Variants in MTMR14 observed in about 807,000 individuals in gnomAD.
The protein encoded by MTMR14 is myotubularin related protein 14, also known as phosphatidylinositol-3,5-bisphosphate 3-phosphatase MTMR14.
In MTMR14, 48 loss-of-function variants were observed where a neutral mutation model predicts 86.3. The ratio of observed to expected loss-of-function variants is 0.56; its 90% confidence interval spans 0.44 to 0.71. MTMR14 has a LOEUF of 0.71. Ranked by LOEUF, MTMR14 falls within the 30% of genes least tolerant of loss-of-function variation. MTMR14 has a pLI of 0.00. For synonymous variants in MTMR14, 366 were observed against 326.1 expected (o/e 1.12, Z -1.32); for missense variants, 780 against 834.6 (o/e 0.93, Z 0.81).
At chr3:9,683,800 G>T (rs2075849102) in intron 10 of MTMR14, 1 of 157,124 alleles carries the variant, frequency 6.4e-6, no homozygotes, top group Admixed American at 6.0e-5. Context: ...GAAGGCCCAA[G>T]AACAGAGCCA....
At chr3:9,690,969 C>T (rs2076121526) in intron 17 of MTMR14, among the ~76,000 whole-genome samples, 1 of 152,190 alleles carries the variant, frequency 6.6e-6, no homozygotes, top group African/African-American at 2.4e-5. Context: ...GATTTTCAGA[C>T]TCAGTTTAGT....
chr3:9,665,554 A>G (rs916392133), intron 3 of MTMR14, among the ~76,000 whole-genome samples: 6 of 152,138 alleles, frequency 3.9e-5, no homozygotes, highest in Admixed American at 6.5e-5. Context: ...TGATGAGTTA[A>G]ATAGAAGTCT....
Position 9,677,480 on chromosome 3 carries a change from G to T in MTMR14, c.822+93G>T. On this transcript the variant is annotated intron_variant, in intron 8 of 18. Coordinates refer to ENST00000296003, the MANE Select transcript of MTMR14 (RefSeq NM_001077525.3). This position sits in a 1 kb window ranked among gnomAD's most constrained non-coding sequence, Gnocchi z 4.2. Reference sequence around the variant, plus strand: ...AAGCAGTCTTTGGGGAAAACAACAAGCAGTCTTTGGGGAAAATAACTCCCC... The same window carrying T: ...AAGCAGTCTTTGGGGAAAACAACAATCAGTCTTTGGGGAAAATAACTCCCC... The T allele has an allele frequency of 3.5e-6, 4 of 1,141,662 alleles. No homozygotes were observed. Among genetic ancestry groups the T allele is most frequent in the Non-Finnish European group, 1.3e-6 (1 of 753,948 alleles). The allele number at this position is 1,141,662 out of a possible 1,614,324, so 70.7% of individuals were successfully genotyped here.
At chr3:9,649,766 TG>T in intron 1 of MTMR14, 24 bp downstream of exon 1, 1 of 1,612,254 alleles carries the variant, frequency 6.2e-7, no homozygotes, top group Non-Finnish European at 8.5e-7. Flanking sequence ...TGCGATGAGC[TG>T]GGGAAGGCTC....
At chr3:9,693,471 C>T (rs2076195616) in intron 17 of MTMR14, among the ~76,000 whole-genome samples, 1 of 152,200 alleles carries the variant, frequency 6.6e-6, no homozygotes, top group Non-Finnish European at 1.5e-5. Flanking sequence ...TGACTAGAAG[C>T]CTTACCAATA....
At chr3:9,675,424 A>G (rs2048803739) in intron 7 of MTMR14, 12 of 319,422 alleles carry the variant, frequency 3.8e-5, no homozygotes, top group South Asian at 3.2e-4. Flanking sequence ...AAGGAATCTC[A>G]GTTGAGCCCT....
At chr3:9,668,168 A>G (rs1215357167) in intron 3 of MTMR14, among the ~76,000 whole-genome samples, 1 of 152,260 alleles carries the variant, frequency 6.6e-6, no homozygotes, top group African/African-American at 2.4e-5. Flanking sequence ...CCTCTAAAAC[A>G]TTTCTCACTC....
intron 7 of MTMR14, among the ~76,000 whole-genome samples, chr3:9,676,721 G>A (rs2075592251): frequency 6.6e-6 from 1 of 152,158 alleles, no homozygotes; most frequent in African/African-American, 2.4e-5. Flanking sequence ...GGCTTGTCCT[G>A]GTGGAGTTAC....
chr3:9,692,509 A>G (rs1365775670), intron 17 of MTMR14, among the ~76,000 whole-genome samples: 1 of 152,256 alleles, frequency 6.6e-6, no homozygotes, highest in Admixed American at 6.5e-5. Context: ...GGGCTGGGAC[A>G]GGCCAGGACC....
intron 17 of MTMR14, among the ~76,000 whole-genome samples, chr3:9,696,079 G>T (rs572801075): frequency 6.6e-6 from 1 of 152,208 alleles, no homozygotes; most frequent in Non-Finnish European, 1.5e-5. Flanking sequence ...AATGATGAAT[G>T]TGACAAGTCT....
chr3:9,686,491 C>G (rs1451486469), intron 13 of MTMR14, among the ~76,000 whole-genome samples: 1 of 152,172 alleles, frequency 6.6e-6, no homozygotes, highest in Non-Finnish European at 1.5e-5. Flanking sequence ...CTGTTACCCC[C>G]CCCAGACAAT....
intron 13 of MTMR14, among the ~76,000 whole-genome samples, chr3:9,685,793 G>A (rs1025399337): frequency 4.0e-5 from 6 of 151,838 alleles, no homozygotes; most frequent in African/African-American, 4.8e-5. Flanking sequence ...CCTTTTCTGC[G>A]CCCCCATCCT....
rs145767480 is a variant in MTMR14 at position 9,668,174 on chromosome 3, C to G, written c.418-545C>G. The stretch of plus-strand genomic sequence containing the variant: ...GAAAAGAAGCCTCTAAAACATTTCT[C>G]ACTCACCCCTTGCCCCCGCTAGAAA... On this transcript the variant is annotated intron_variant, in intron 3 of 18. Transcript: ENST00000296003. 2.0e-3 allele frequency among the ~76,000 whole-genome samples: 308 copies of G among 152,334 alleles called. 1 individual carries two copies. The highest frequency in any genetic ancestry group is 7.1e-3 in the African/African-American group (297 of 41,558).
intron 17 of MTMR14, 152 bp from the exon 18 acceptor site, chr3:9,697,559 C>T (rs1559621612): frequency 1.1e-6 from 1 of 894,840 alleles, no homozygotes; most frequent in Non-Finnish European, 1.7e-6. Flanking sequence ...TCGGTCACTA[C>T]TTGTCCAGCT....
chr3:9,684,567 C>T lies in MTMR14; in HGVS notation c.965-18C>T, dbSNP rs1468870335. ...TCTGGTTCTCTCCTGGGCATCCTCT[C>T]CTGCGGTTCCTGAGTAGATGACAGC... is the stretch of plus-strand genomic sequence containing the variant. On this transcript the variant is annotated intron_variant, in intron 10 of 18. Coordinates refer to ENST00000296003, the MANE Select transcript of MTMR14 (RefSeq NM_001077525.3). 1.2e-6 allele frequency: 2 copies of T among 1,613,838 alleles called. No individual in the cohort carries two copies. Among genetic ancestry groups the T allele is most frequent in the South Asian group, 1.1e-5 (1 of 91,074 alleles).
chr3:9,677,426 C>T lies in MTMR14; in HGVS notation c.822+39C>T. ...CATACATCAAATTGGATCTATGTCTCTTTGTAAAGGGAGGCCAAGGAGAAC... is the reference window on the plus strand; with the variant it reads ...CATACATCAAATTGGATCTATGTCTTTTTGTAAAGGGAGGCCAAGGAGAAC... On this transcript the variant is annotated intron_variant, in intron 8 of 18. Transcript: ENST00000296003. The surrounding 1 kb of genome is among the most constrained non-coding windows in gnomAD (Gnocchi z 4.2). The T allele has an allele frequency of 1.9e-6, 3 of 1,573,888 alleles. No homozygotes were observed. The highest frequency in any genetic ancestry group is 1.7e-6 in the Non-Finnish European group (2 of 1,143,600).
At chr3:9,683,963 C>T (rs2075854239) in intron 10 of MTMR14, among the ~76,000 whole-genome samples, 2 of 152,186 alleles carry the variant, frequency 1.3e-5, no homozygotes, top group African/African-American at 4.8e-5. Context: ...TGAGCTTATG[C>T]TCATTGGCCC....
intron 7 of MTMR14, among the ~76,000 whole-genome samples, chr3:9,673,640 G>T (rs1443238768): frequency 1.3e-5 from 2 of 152,148 alleles, no homozygotes; most frequent in Non-Finnish European, 2.9e-5. Context: ...GCAAGGGCAG[G>T]CAGGTTCATC....
chr3:9,685,084 G>A (rs1343920964), intron 12 of MTMR14, 120 bp downstream of exon 12: 9 of 1,488,460 alleles, frequency 6.0e-6, no homozygotes, highest in South Asian at 1.1e-5. Context: ...GAGAAGGACC[G>A]AAGCTGCTGA....
Sources: gnomAD v4.1 joint callset for allele counts (sites outside exome capture counted in the v4.1 genomes callset) on GRCh38, gnomAD v4.1.1 for gene constraint, Gnocchi (gnomAD v3.1) non-coding constraint, MANE v1.5 for transcripts, NCBI Gene and HGNC (gene_info 2026-07-23, HGNC 2026-07-21) for gene names.